Variants in KCNH5 observed in about 807,000 individuals in gnomAD.
The protein encoded by KCNH5 is potassium voltage-gated channel subfamily H member 5, also known as voltage-gated delayed rectifier potassium channel KCNH5.
A neutral mutation model predicts 96.1 loss-of-function variants in KCNH5; 46 were observed. That is an observed-to-expected ratio of 0.48 (90% CI 0.38 to 0.61). KCNH5 has a LOEUF of 0.61. Among genes scored for constraint, KCNH5 ranks in the 20% least tolerant of loss-of-function variants. KCNH5 has a pLI of 0.00. For missense variants in KCNH5, 907 were observed against 1,225.8 expected (o/e 0.74, Z 3.88); for synonymous variants, 439 against 449.8 (o/e 0.98, Z 0.30).
At chr14:62,735,774 GTTAA>G (rs1187264417) in intron 10 of KCNH5, among the ~76,000 whole-genome samples, 1 of 150,678 alleles carries the variant, frequency 6.6e-6, no homozygotes, top group Non-Finnish European at 1.5e-5. Flanking sequence ...TCTTTACAGG[GTTAA>G]TTGAGTTTAC....
At chr14:62,724,241 A>C (rs1425143956) in intron 10 of KCNH5, among the ~76,000 whole-genome samples, 1 of 152,218 alleles carries the variant, frequency 6.6e-6, no homozygotes, top group East Asian at 1.9e-4. Flanking sequence ...TATCTAATGT[A>C]AAGATCAATG....
At chr14:62,799,699 A>ATATC (rs1465962235) in intron 9 of KCNH5, among the ~76,000 whole-genome samples, 2 of 93,170 alleles carry the variant, frequency 2.1e-5, no homozygotes, top group Non-Finnish European at 4.3e-5. Context: ...CTTTATATAT[A>ATATC]TATATATATA....
intron 8 of KCNH5, among the ~76,000 whole-genome samples, chr14:62,831,485 A>G (rs1012924443): frequency 6.6e-6 from 1 of 152,156 alleles, no homozygotes; most frequent in Admixed American, 6.5e-5. Flanking sequence ...GCTGAAGTTA[A>G]GCTTGTTTAC....
intron 7 of KCNH5, among the ~76,000 whole-genome samples, chr14:62,859,438 C>G (rs753507088): frequency 2.5e-4 from 38 of 152,112 alleles, no homozygotes; most frequent in Non-Finnish European, 3.4e-4. Flanking sequence ...GTCATCCTAT[C>G]CACTTGATTA....
At chr14:63,012,996 G>GAAAAAA (rs76956667) in intron 2 of KCNH5, among the ~76,000 whole-genome samples, 2 of 148,470 alleles carry the variant, frequency 1.3e-5, no homozygotes, top group African/African-American at 5.2e-5. Context: ...GAAATAAAAG[G>GAAAAAA]AAAAAAATAA....
At chr14:62,773,835 T>C (rs1886040914) in intron 10 of KCNH5, among the ~76,000 whole-genome samples, 1 of 152,232 alleles carries the variant, frequency 6.6e-6, no homozygotes, top group Non-Finnish European at 1.5e-5. Flanking sequence ...CACTTATTTT[T>C]AAATGGTTCA....
chr14:63,039,625 T>C (rs957832162), intron 1 of KCNH5, among the ~76,000 whole-genome samples: 36 of 152,084 alleles, frequency 2.4e-4, no homozygotes, highest in Admixed American at 1.3e-4. Flanking sequence ...CGTATTACCA[T>C]AAAATTTTAT....
intron 6 of KCNH5, among the ~76,000 whole-genome samples, chr14:62,956,489 T>G (rs962184158): frequency 6.6e-6 from 1 of 152,070 alleles, no homozygotes; most frequent in African/African-American, 2.4e-5. Flanking sequence ...GGGATAATTT[T>G]CTTTAAATAT....
chr14:62,977,363 AAAT>A (rs1319781755), intron 6 of KCNH5, among the ~76,000 whole-genome samples: 4 of 152,144 alleles, frequency 2.6e-5, no homozygotes, highest in Admixed American at 6.5e-5. Context: ...CTGTCACCAA[AAAT>A]AATAATAATA....
chr14:62,882,602 G>T (rs1256877309), intron 7 of KCNH5, among the ~76,000 whole-genome samples: 1 of 152,232 alleles, frequency 6.6e-6, no homozygotes, highest in African/African-American at 2.4e-5. Flanking sequence ...GTGCCCTGGA[G>T]AAATAGGGCC....
Position 62,708,139 on chromosome 14 carries a change from C to T in KCNH5, c.2336G>A (p.Arg779His), listed in dbSNP as rs746510026. The T allele has an allele frequency of 7.4e-6, 12 of 1,614,090 alleles. No individual in the cohort carries two copies. In the South Asian group the frequency reaches 9.9e-5, roughly 13 times the overall value. ...GTTGGGCTTGAGTTCCATGGCATCA[C>T]GGTTGTTCTGCTTAAGGGATTCACT... ...KTSESLKQNN[R>H]DAMELKPNGG... Residue 779 changes from arginine to histidine, a missense_variant, in exon 11 of 11, where the codon CGT becomes CAT. By Grantham distance (29) the Arg-to-His change is conservative. This residue lies in a region of KCNH5 where 362 missense variants were observed against 394.4 expected (regional missense o/e 0.92). Coordinates refer to ENST00000322893, the MANE Select transcript of KCNH5 (RefSeq NM_139318.5).
chr14:62,795,124 A>G (rs146009500), intron 9 of KCNH5, among the ~76,000 whole-genome samples: 35 of 152,256 alleles, frequency 2.3e-4, no homozygotes, highest in African/African-American at 7.7e-4. Flanking sequence ...TCTGCCTATA[A>G]CAGATCTAAA....
At chr14:63,021,580 C>T (rs1891428313) in intron 1 of KCNH5, among the ~76,000 whole-genome samples, 1 of 152,118 alleles carries the variant, frequency 6.6e-6, no homozygotes, top group Non-Finnish European at 1.5e-5. Context: ...CCGTATCTGT[C>T]TCCAACCATT....
chr14:62,820,608 G>T (rs75928338), intron 8 of KCNH5, among the ~76,000 whole-genome samples: 1 of 151,986 alleles, frequency 6.6e-6, no homozygotes, highest in African/African-American at 2.4e-5. Context: ...TTCTGTTTCT[G>T]CCTTAGTTTG....
intron 7 of KCNH5, among the ~76,000 whole-genome samples, chr14:62,853,453 A>AATCATATATATATATATATAT (rs1887849820): frequency 9.9e-5 from 3 of 30,378 alleles, no homozygotes; most frequent in East Asian, 1.4e-3. Flanking sequence ...CAAAAAGAAT[A>AATCATATATATATATATATAT]ATCATATATA....
chr14:62,974,804 C>G (rs368483377), intron 6 of KCNH5, among the ~76,000 whole-genome samples: 3 of 152,168 alleles, frequency 2.0e-5, no homozygotes, highest in Admixed American at 2.0e-4. Flanking sequence ...TTACTAAAAC[C>G]TTGCTAACAT....
chr14:62,915,643 A>G (rs955004326), intron 7 of KCNH5, among the ~76,000 whole-genome samples: 3 of 152,226 alleles, frequency 2.0e-5, no homozygotes, highest in Admixed American at 2.0e-4. Flanking sequence ...GTATACATAA[A>G]TGGAAAAAAA....
rs759841914 is a variant in KCNH5 at position 62,987,211 on chromosome 14, TCA to T, written c.434-26_434-25del. ...ACCTTAAAAATAAGGAAAGAAAGTC[TCA>T]GTTTTTCATACAAATGAATAAGGAA... On this transcript the variant is annotated intron_variant, in intron 4 of 10. Coordinates refer to ENST00000322893, the MANE Select transcript of KCNH5 (RefSeq NM_139318.5). The T allele has an allele frequency of 2.0e-6, 3 of 1,511,808 alleles. No individual in the cohort carries two copies. The African/African-American group carries it at 4.1e-5, about 21-fold the overall frequency. The allele number at this position is 1,511,808 out of a possible 1,614,324, so 93.6% of individuals were successfully genotyped here.
Position 62,708,276 on chromosome 14 carries a change from T to C in KCNH5, c.2199A>G (p.Gln733=). ...GSTQGDPERN[Q]LQVESRSLQN... ...GTAAGGAGCGGCTCTCTACCTGGAG[T>C]TGGTTCCTCTCAGGGTCACCCTGTG... The change falls in exon 11 of 11, where the codon CAA becomes CAG. Residue 733 remains glutamine, a synonymous_variant. Transcript: ENST00000322893. 1 of 1,614,160 alleles carries C rather than the reference T, an allele frequency of 6.2e-7. No individual in the cohort carries two copies. Among genetic ancestry groups the C allele is most frequent in the South Asian group, 1.1e-5 (1 of 91,082 alleles).
Sources: gnomAD v4.1 joint callset for allele counts (sites outside exome capture counted in the v4.1 genomes callset) on GRCh38, gnomAD v4.1.1 for gene constraint, gnomAD v4.1.1 regional missense constraint, MANE v1.5 for transcripts, NCBI Gene and HGNC (gene_info 2026-07-23, HGNC 2026-07-21) for gene names.